Variants in HINT3 observed in about 807,000 individuals in gnomAD.
HINT3 encodes adenosine 5'-monophosphoramidase HINT3.
Under a neutral mutation model 19.1 loss-of-function variants are expected in HINT3, and 16 were observed. The observed-to-expected ratio is 0.84, with a 90% CI of 0.57 to 1.27. HINT3 has a LOEUF of 1.27. Ranked by LOEUF, HINT3 falls within the 50% of genes most tolerant of loss-of-function variation. The pLI is 0.00. For missense variants in HINT3, 197 were observed against 225.8 expected (o/e 0.87, Z 0.82); for synonymous variants, 75 against 84.8 (o/e 0.88, Z 0.63).
chr6:125,971,101 G>T (rs1789090666), intron 2 of HINT3, among the ~76,000 whole-genome samples: 1 of 152,178 alleles, frequency 6.6e-6, no homozygotes, highest in Admixed American at 6.5e-5. Context: ...TTGGCATGGT[G>T]CTTTGAAGAT....
At chr6:125,976,615 A>G (rs1285142167) in intron 4 of HINT3, among the ~76,000 whole-genome samples, 1 of 151,414 alleles carries the variant, frequency 6.6e-6, no homozygotes, top group Non-Finnish European at 1.5e-5. Flanking sequence ...TTATAATAAA[A>G]GATGAATGAA....
Position 125,979,051 on chromosome 6 carries a change from A to G in HINT3, c.*1375A>G, listed in dbSNP as rs1329406726. 6.6e-6 allele frequency: 1 copy of G among 152,166 alleles called. No homozygotes were observed. Among genetic ancestry groups the G allele is most frequent in the Non-Finnish European group, 1.5e-5 (1 of 68,006 alleles). 9.4% of individuals were successfully genotyped at this position (152,166 alleles called of 1,614,324 possible). A position where few individuals can be genotyped will look rare whatever the true frequency, so the allele number is the denominator to read the frequency against. On this transcript the variant is annotated 3_prime_UTR_variant, in exon 5 of 5. Coordinates refer to ENST00000229633, the MANE Select transcript of HINT3 (RefSeq NM_138571.5). ...CAGAAGAGGCTGTGAAGGGATAAAC[A>G]CTTCTGAGAGTGGGTGGTAGTAGAA...
chr6:125,962,758 G>T (rs1395447976), intron 1 of HINT3, among the ~76,000 whole-genome samples: 1 of 151,980 alleles, frequency 6.6e-6, no homozygotes, highest in Non-Finnish European at 1.5e-5. Context: ...ACTAAGCAAA[G>T]GCTGAACCAT....
At chr6:125,971,191 A>G (rs1232124515) in intron 2 of HINT3, among the ~76,000 whole-genome samples, 2 of 152,216 alleles carry the variant, frequency 1.3e-5, no homozygotes, top group East Asian at 1.9e-4. Flanking sequence ...GAAAGATGAT[A>G]AAGGAGATGG....
chr6:125,965,425 G>C (rs948469360), intron 1 of HINT3, among the ~76,000 whole-genome samples: 2 of 152,174 alleles, frequency 1.3e-5, no homozygotes, highest in Admixed American at 1.3e-4. Context: ...TGGGAAGTAG[G>C]ATTGTGGCAA....
In HINT3 at chr6:125,974,940, G is replaced by A. The variant is rs559175785; in HGVS notation, c.483G>A (p.Leu161=). ...ATCAGCTTGGCTTCTTATCCAAGTT[G>A]GTTTATAGAGTCAATTCCTATTGGT... The part of the protein sequence containing the change: ...PVDQLGFLSK[L]VYRVNSYWFI... The change falls in exon 4 of 5, where the codon TTG becomes TTA. Residue 161 remains leucine (L), a synonymous_variant. Coordinates refer to ENST00000229633, the MANE Select transcript of HINT3 (RefSeq NM_138571.5). 2 of 1,613,874 alleles carry A rather than the reference G, an allele frequency of 1.2e-6. No homozygotes were observed. Among genetic ancestry groups the A allele is most frequent in the African/African-American group, 2.7e-5 (2 of 74,998 alleles).
rs1788993514 is a variant in HINT3, at chr6:125,964,773, C to T, written c.202-2114C>T. On this transcript the variant is annotated intron_variant, in intron 1 of 4. Coordinates refer to ENST00000229633, the MANE Select transcript of HINT3 (RefSeq NM_138571.5). ...ACACACACACACACACACACACACACACAATCATTTCATATTTTTGCCAGC... is the reference window on the plus strand; with the variant it reads ...ACACACACACACACACACACACACATACAATCATTTCATATTTTTGCCAGC... Among the ~76,000 whole-genome samples the T allele has an allele frequency of 3.8e-5, 5 of 133,146 alleles. No individual in the cohort carries two copies. The South Asian group carries it at 1.3e-3, about 34-fold the overall frequency. The allele number at this position is 133,146 out of a possible 152,430, so 87.3% of individuals were successfully genotyped here. A position where few individuals can be genotyped will look rare whatever the true frequency, so the allele number is the denominator to read the frequency against.
chr6:125,961,009 G>A (rs1788917252), intron 1 of HINT3, among the ~76,000 whole-genome samples: 2 of 152,170 alleles, frequency 1.3e-5, no homozygotes, highest in African/African-American at 2.4e-5. Flanking sequence ...ACTAGTAGCA[G>A]TAGAAAGCTT....
rs1789199899 is a variant in HINT3, at chr6:125,977,869, T to C, written c.*193T>C. Reference sequence around the variant, plus strand: ...GTTATGTGAATATTTTGTTACTGACTTGTTTCAATGGTTACTTGTATAAGG... The same window carrying C: ...GTTATGTGAATATTTTGTTACTGACCTGTTTCAATGGTTACTTGTATAAGG... On this transcript the variant is annotated 3_prime_UTR_variant, in exon 5 of 5. Transcript: ENST00000229633. 2.5e-6 allele frequency: 1 copy of C among 406,318 alleles called. No homozygotes were observed. Among genetic ancestry groups the C allele is most frequent in the Non-Finnish European group, 4.5e-6 (1 of 224,270 alleles). The allele number at this position is 406,318 out of a possible 1,614,324, so 25.2% of individuals were successfully genotyped here. A position where few individuals can be genotyped will look rare whatever the true frequency, so the allele number is the denominator to read the frequency against.
At chr6:125,974,469 G>T (rs914591054) in intron 3 of HINT3, among the ~76,000 whole-genome samples, 2 of 152,152 alleles carry the variant, frequency 1.3e-5, no homozygotes, top group African/African-American at 4.8e-5. Flanking sequence ...AAAGGAACAC[G>T]ACTACTTGAG....
At chr6:125,975,841 G>T (rs950924846) in intron 4 of HINT3, among the ~76,000 whole-genome samples, 4 of 152,190 alleles carry the variant, frequency 2.6e-5, no homozygotes, top group Non-Finnish European at 5.9e-5. Flanking sequence ...GTCCCAAAGT[G>T]CTGGGATTAC....
chr6:125,970,188 C>T (rs113079181), intron 2 of HINT3, among the ~76,000 whole-genome samples: 2 of 152,250 alleles, frequency 1.3e-5, no homozygotes, highest in African/African-American at 4.8e-5. Context: ...AATTTTTAAA[C>T]TGTCGATTCT....
Position 125,968,877 on chromosome 6 carries a change from G to T in HINT3, c.319+1873G>T, listed in dbSNP as rs1375211128. On this transcript the variant is annotated intron_variant, in intron 2 of 4. Transcript: ENST00000229633. ...CATGGTGATTTTTGGTTGTTTAATT[G>T]TTTAATAATTTATTTACAGATCCGG... Among the ~76,000 whole-genome samples, 4 of 151,856 alleles carry T rather than the reference G, an allele frequency of 2.6e-5. No individual in the cohort carries two copies. The East Asian group carries it at 5.8e-4, about 22-fold the overall frequency.
At chr6:125,969,425 A>G (rs1789066909) in intron 2 of HINT3, among the ~76,000 whole-genome samples, 1 of 152,160 alleles carries the variant, frequency 6.6e-6, no homozygotes, top group African/African-American at 2.4e-5. Flanking sequence ...TATAGTTTGA[A>G]GTTGGGTAAC....
At chr6:125,965,387 T>C (rs917029270) in intron 1 of HINT3, among the ~76,000 whole-genome samples, 2 of 152,190 alleles carry the variant, frequency 1.3e-5, no homozygotes, top group African/African-American at 2.4e-5. Context: ...AATAAAGATA[T>C]ATAACATTAT....
At chr6:125,962,230 A>ATGTGTG (rs1788944584) in intron 1 of HINT3, among the ~76,000 whole-genome samples, 1 of 35,110 alleles carries the variant, frequency 2.8e-5, no homozygotes, top group Admixed American at 3.7e-4. Flanking sequence ...ATATATATAT[A>ATGTGTG]TATACACATA....
chr6:125,956,849 G>A lies in HINT3; in HGVS notation c.-129G>A. 2 of 991,652 alleles carry A rather than the reference G, an allele frequency of 2.0e-6. No individual in the cohort carries two copies. The highest frequency in any genetic ancestry group is 2.9e-6 in the Non-Finnish European group (2 of 684,944). 61.4% of individuals were successfully genotyped at this position (991,652 alleles called of 1,614,324 possible). ...GTCTCCTTCCCTCTCCCCAAAGCCT[G>A]GATCACCGCCCAGCGTCAGGCGAGG... is the stretch of plus-strand genomic sequence containing the variant. On this transcript the variant is annotated 5_prime_UTR_variant, in exon 1 of 5. Transcript: ENST00000229633.
chr6:125,970,601 A>C (rs1414997767), intron 2 of HINT3, among the ~76,000 whole-genome samples: 1 of 152,174 alleles, frequency 6.6e-6, no homozygotes, highest in Non-Finnish European at 1.5e-5. Flanking sequence ...CAAATTAATA[A>C]TTTTTATATA....
In HINT3 at chr6:125,962,304, ATAT is replaced by A. The variant is rs1441112372; in HGVS notation, c.202-4582_202-4580del. 6.4e-3 allele frequency among the ~76,000 whole-genome samples: 229 copies of A among 35,670 alleles called. 30 individuals are homozygous for A. The highest frequency in any genetic ancestry group is 0.015 in the East Asian group (4 of 270). The allele number at this position is 35,670 out of a possible 152,430, so 23.4% of individuals were successfully genotyped here. A position where few individuals can be genotyped will look rare whatever the true frequency, so the allele number is the denominator to read the frequency against. On this transcript the variant is annotated intron_variant, in intron 1 of 4. Coordinates refer to ENST00000229633, the MANE Select transcript of HINT3 (RefSeq NM_138571.5). ...TATATATACACATATATATATATAT[ATAT>A]CACACATATATATATATATATATCA...
Sources: allele counts gnomAD v4.1 joint callset (sites outside exome capture counted in the v4.1 genomes callset), GRCh38; gene constraint gnomAD v4.1.1; transcripts MANE v1.5; gene names NCBI Gene and HGNC (gene_info 2026-07-23, HGNC 2026-07-21).